The following FSHR variants were observed in gnomAD, a reference collection of about 807,000 sequenced individuals.
FSHR encodes the protein follicle stimulating hormone receptor.
A neutral mutation model predicts 52.1 loss-of-function variants in FSHR; 46 were observed. That is an observed-to-expected ratio of 0.88 (90% CI 0.70 to 1.13). The LOEUF is 1.13. Ranked by LOEUF, FSHR falls within the 50% of genes most tolerant of loss-of-function variation. FSHR has a pLI of 0.00. For missense variants in FSHR, 964 were observed against 834.6 expected (o/e 1.16, Z -1.91); for synonymous variants, 399 against 309.6 (o/e 1.29, Z -3.03).
intron 2 of FSHR, among the ~76,000 whole-genome samples, chr2:49,043,290 G>T (rs1056505941): frequency 1.3e-5 from 2 of 152,018 alleles, no homozygotes; most frequent in African/African-American, 4.8e-5. Context: ...GGGGTGGGCA[G>T]GGTAGGGGGT....
chr2:49,016,433 G>T (rs917882488), intron 4 of FSHR, among the ~76,000 whole-genome samples: 3 of 152,088 alleles, frequency 2.0e-5, no homozygotes, highest in Non-Finnish European at 4.4e-5. Context: ...GCCTTAAGAT[G>T]CTTGCAGTCT....
intron 1 of FSHR, among the ~76,000 whole-genome samples, chr2:49,087,695 GTAGA>G (rs1400060932): frequency 1.3e-5 from 2 of 152,184 alleles, no homozygotes; most frequent in African/African-American, 2.4e-5. Flanking sequence ...TAGTTGGGTG[GTAGA>G]TGGATGGATG....
intron 4 of FSHR, chr2:49,014,901 C>A (rs544693038): frequency 2.1e-6 from 1 of 470,108 alleles, no homozygotes; most frequent in Non-Finnish European, 4.4e-6. Context: ...GCTCTATGAT[C>A]CCCATTTTCC....
chr2:49,008,628 T>C (rs10439474), intron 4 of FSHR, among the ~76,000 whole-genome samples: 87,744 of 139,538 alleles, frequency 0.63, 30,451 homozygotes, highest in East Asian at 0.76. Context: ...GTTGAACTAG[T>C]TTACAGTCCC....
At chr2:49,112,965 C>T (rs1461390488) in intron 1 of FSHR, among the ~76,000 whole-genome samples, 1 of 152,038 alleles carries the variant, frequency 6.6e-6, no homozygotes, top group East Asian at 1.9e-4. Context: ...AAAGAAAAGC[C>T]TCCATGAATG....
chr2:49,076,889 C>G (rs1023322351), intron 1 of FSHR, among the ~76,000 whole-genome samples: 2 of 152,222 alleles, frequency 1.3e-5, no homozygotes, highest in South Asian at 2.1e-4. Context: ...GACTCCATTT[C>G]TCACATCCAG....
intron 1 of FSHR, among the ~76,000 whole-genome samples, chr2:49,088,382 A>G (rs1317311448): frequency 6.6e-6 from 1 of 152,240 alleles, no homozygotes; most frequent in Non-Finnish European, 1.5e-5. Context: ...AGATGCCCCA[A>G]GAAGGGGAAA....
At chr2:49,088,609 T>C (rs1206006440) in intron 1 of FSHR, among the ~76,000 whole-genome samples, 2 of 152,220 alleles carry the variant, frequency 1.3e-5, no homozygotes, top group African/African-American at 4.8e-5. Flanking sequence ...AGCAGTTCTT[T>C]AGGTGCCCTC....
At chr2:49,051,574 T>A (rs1186438097) in intron 2 of FSHR, among the ~76,000 whole-genome samples, 1 of 152,142 alleles carries the variant, frequency 6.6e-6, no homozygotes, top group African/African-American at 2.4e-5. Context: ...GAAAGATATG[T>A]TCTTGATACA....
At chr2:49,111,152 G>A (rs1259856525) in intron 1 of FSHR, among the ~76,000 whole-genome samples, 2 of 152,160 alleles carry the variant, frequency 1.3e-5, no homozygotes, top group Non-Finnish European at 1.5e-5. Context: ...TAGGACATAT[G>A]AGAGCCATGT....
intron 1 of FSHR, among the ~76,000 whole-genome samples, chr2:49,088,855 T>C (rs865933101): frequency 7.2e-5 from 11 of 152,138 alleles, no homozygotes; most frequent in African/African-American, 2.7e-4. Flanking sequence ...AAAAGATAAA[T>C]TTAGGTCTTT....
At chr2:49,052,551 A>G (rs982454719) in intron 2 of FSHR, among the ~76,000 whole-genome samples, 3 of 152,192 alleles carry the variant, frequency 2.0e-5, no homozygotes, top group African/African-American at 7.2e-5. Flanking sequence ...TGTGTACATT[A>G]TTTTTAAAGT....
At chr2:48,971,792 A>G (rs1019347714) in intron 8 of FSHR, among the ~76,000 whole-genome samples, 3 of 152,174 alleles carry the variant, frequency 2.0e-5, no homozygotes, top group Admixed American at 6.5e-5. Context: ...ATACAAATTT[A>G]TACATTTTAT....
intron 8 of FSHR, among the ~76,000 whole-genome samples, chr2:48,978,418 C>G (rs1324515531): frequency 6.6e-6 from 1 of 152,202 alleles, no homozygotes; most frequent in Non-Finnish European, 1.5e-5. Context: ...ACTGTGGGTA[C>G]ACTGGTAATG....
chr2:49,108,110 CAA>C (rs952466306), intron 1 of FSHR, among the ~76,000 whole-genome samples: 6 of 152,200 alleles, frequency 3.9e-5, no homozygotes, highest in African/African-American at 1.4e-4. Flanking sequence ...CTGAATAGAA[CAA>C]AAATGTTGAG....
chr2:49,154,394 C>A lies in FSHR; in HGVS notation c.24G>T (p.Leu8Phe), dbSNP rs115030945. 804 of 1,612,820 alleles carry A rather than the reference C, an allele frequency of 5.0e-4. 10 individuals are homozygous for A. The East Asian group carries it at 0.017, about 35-fold the overall frequency. The change falls in exon 1 of 10, where the codon TTG becomes TTT. Residue 8 changes from leucine (L) to phenylalanine (F), a missense_variant. Coordinates refer to ENST00000406846, the MANE Select transcript of FSHR (RefSeq NM_000145.4). The part of the protein sequence containing the change: MALLLVS[L>F]LAFLSLGSGC... ...CTGAGCCCAAGCTCAGGAATGCCAG[C>A]AAAGAGACCAGGAGCAGGGCCATAA...
rs374230028 is a variant in FSHR at position 48,982,879 on chromosome 2, C to G, written c.668+33G>C. 1.3e-5 allele frequency: 20 copies of G among 1,560,236 alleles called. No homozygotes were observed. In the African/African-American group the frequency reaches 2.7e-4, roughly 21 times the overall value. On this transcript the variant is annotated intron_variant, in intron 8 of 9. Transcript: ENST00000406846. ...TGACTTCTAACTTACACAAACTGAG[C>G]TCTTACACACAGAAATGGGGAAAGC...
chr2:48,996,549 T>C (rs1291241985), intron 4 of FSHR, among the ~76,000 whole-genome samples: 1 of 152,136 alleles, frequency 6.6e-6, no homozygotes, highest in African/African-American at 2.4e-5. Flanking sequence ...ATATAACTCA[T>C]GTCTGAAGGA....
intron 4 of FSHR, among the ~76,000 whole-genome samples, chr2:49,006,097 C>T (rs1559126689): frequency 6.6e-6 from 1 of 152,136 alleles, no homozygotes; most frequent in Non-Finnish European, 1.5e-5. Context: ...GGGACTCAGA[C>T]TGGCTTCCTT....
Sources: gnomAD v4.1 joint callset for allele counts (sites outside exome capture counted in the v4.1 genomes callset) on GRCh38, gnomAD v4.1.1 for gene constraint, MANE v1.5 for transcripts, NCBI Gene and HGNC (gene_info 2026-07-23, HGNC 2026-07-21) for gene names.